The following FOXH1 variants were observed in gnomAD, a reference collection of about 807,000 sequenced individuals.
The protein encoded by FOXH1 is forkhead box protein H1.
Under a neutral mutation model 14.2 loss-of-function variants are expected in FOXH1, and 10 were observed. That is an observed-to-expected ratio of 0.70 (90% CI 0.43 to 1.19). FOXH1 has a LOEUF of 1.19. FOXH1 is among the 50% of genes most tolerant of loss of function. FOXH1 has a pLI of 0.00. For synonymous variants in FOXH1, 273 were observed against 209.5 expected (o/e 1.30, Z -2.62); for missense variants, 643 against 492.1 (o/e 1.31, Z -2.90).
At position 144,475,595 on chromosome 8, in the gene FOXH1, C is replaced by T. The variant is rs1825125914; in HGVS notation, c.162G>A (p.Leu54=). Residue 54 remains leucine (L), a synonymous_variant, in exon 1 of 3, where the codon CTG becomes CTA. Transcript: ENST00000377317. Reference sequence around the variant, plus strand: ...GGGGCCCGCTCACCTGGGCCAGCTTCAGTCTGCGGGAGGGAGCGGCCTGAA... The same window carrying T: ...GGGGCCCGCTCACCTGGGCCAGCTTTAGTCTGCGGGAGGGAGCGGCCTGAA... ...LVIQAAPSRR[L]KLAQIIRQVQ... is the part of the protein sequence containing the mutation. 1.4e-6 allele frequency: 2 copies of T among 1,448,394 alleles called. No individual in the cohort carries two copies. Among genetic ancestry groups the T allele is most frequent in the Non-Finnish European group, 1.8e-6 (2 of 1,097,562 alleles). The allele number at this position is 1,448,394 out of a possible 1,614,324, so 89.7% of individuals were successfully genotyped here.
At chr8:144,475,348 GGC>G in intron 1 of FOXH1, 87 bp from the exon 2 acceptor site, 1 of 1,183,230 alleles carries the variant, frequency 8.5e-7, no homozygotes, top group Non-Finnish European at 1.2e-6. Context: ...CGGGCTCAGG[GGC>G]GCGCGGTGCC....
rs746952882 is a variant in FOXH1, at chr8:144,474,813, C to G, written c.523G>C (p.Gly175Arg). ...GGCCAGGGTGCCCCCTCCCCGGACC[C>G]TCCTAGCAGGGACTTGATGCTGAAG... ...EGFSIKSLLG[G>R]SGEGAPWPGL... The change falls in exon 3 of 3, where the codon GGG (glycine) becomes CGG (arginine). Residue 175 changes from glycine (G) to arginine (R), a missense_variant. Transcript: ENST00000377317. 1 of 1,610,834 alleles carries G rather than the reference C, an allele frequency of 6.2e-7. No individual in the cohort carries two copies. Among genetic ancestry groups the G allele is most frequent in the Non-Finnish European group, 8.5e-7 (1 of 1,179,210 alleles).
rs1825030860 is a variant in FOXH1, at chr8:144,473,518, C to T, written c.*720G>A. 2.2e-6 allele frequency: 3 copies of T among 1,359,338 alleles called. No homozygotes were observed. Among genetic ancestry groups the T allele is most frequent in the African/African-American group, 1.5e-5 (1 of 67,132 alleles). 84.2% of individuals were successfully genotyped at this position (1,359,338 alleles called of 1,614,324 possible). A position where few individuals can be genotyped will look rare whatever the true frequency, so the allele number is the denominator to read the frequency against. ...CCTCTTTGGATCCATTGCCCCTGAG[C>T]TCCCAGAGTCACCCCTCCACCTCCG... On this transcript the variant is annotated 3_prime_UTR_variant, in exon 3 of 3. Coordinates refer to ENST00000377317, the MANE Select transcript of FOXH1 (RefSeq NM_003923.3).
At position 144,475,571 on chromosome 8, in the gene FOXH1, G is replaced by A. The variant is rs1825125072; in HGVS notation, c.174+12C>T. ...CTGGGGAAAGAGAGAGTGGGGGCCG[G>A]GGCCCGCTCACCTGGGCCAGCTTCA... On this transcript the variant is annotated intron_variant, in intron 1 of 2. Coordinates refer to ENST00000377317, the MANE Select transcript of FOXH1 (RefSeq NM_003923.3). The A allele has an allele frequency of 4.8e-6, 7 of 1,448,472 alleles. No homozygotes were observed. In the East Asian group the frequency reaches 1.0e-4, roughly 21 times the overall value. The allele number at this position is 1,448,472 out of a possible 1,614,324, so 89.7% of individuals were successfully genotyped here.
Position 144,474,514 on chromosome 8 carries a change from C to T in FOXH1, c.822G>A (p.Trp274Ter). The change falls in exon 3 of 3, where the codon TGG becomes TGA. Residue 274 changes from tryptophan (W) to a stop codon, truncating the protein, a stop_gained. Coordinates refer to ENST00000377317, the MANE Select transcript of FOXH1 (RefSeq NM_003923.3). LOFTEE classifies it low-confidence loss of function (END_TRUNC). Reference protein sequence around the residue: ...RSSGGHRASLWGQLPTSYLPI... With the variant: ...RSSGGHRASL ...GCAAGTAGGAGGTGGGCAGCTGCCC[C>T]CAGAGGGAGGCCCTGTGTCCCCCGC... 1 of 1,611,290 alleles carries T rather than the reference C, an allele frequency of 6.2e-7. No individual in the cohort carries two copies.
chr8:144,475,489 TG>T, intron 1 of FOXH1, 93 bp downstream of exon 1: 1 of 981,182 alleles, frequency 1.0e-6, no homozygotes, highest in Non-Finnish European at 1.5e-6. Context: ...CATACCTGGG[TG>T]GGCTAGGAAG....
rs200335846 is a variant in FOXH1 at position 144,475,725 on chromosome 8, G to A, written c.32C>T (p.Pro11Leu). The A allele has an allele frequency of 4.2e-6, 6 of 1,420,142 alleles. No individual in the cohort carries two copies. In the South Asian group the frequency reaches 8.3e-5, roughly 20 times the overall value. 88.0% of individuals were successfully genotyped at this position (1,420,142 alleles called of 1,614,324 possible). A position where few individuals can be genotyped will look rare whatever the true frequency, so the allele number is the denominator to read the frequency against. The change falls in exon 1 of 3, where the codon CCC becomes CTC. Residue 11 changes from proline to leucine, a missense_variant. Coordinates refer to ENST00000377317, the MANE Select transcript of FOXH1 (RefSeq NM_003923.3). ...CTGGGAGGGCGACTCTGCCTCTGGG[G>A]GCCCCAGGCGGGAGCCGCTGCAGGG... is the stretch of plus-strand genomic sequence containing the variant. Reference protein sequence around the residue: MGPCSGSRLGPPEAESPSQPP... With the variant: MGPCSGSRLGLPEAESPSQPP...
chr8:144,473,875 T>A lies in FOXH1; in HGVS notation c.*363A>T. On this transcript the variant is annotated 3_prime_UTR_variant, in exon 3 of 3. Transcript: ENST00000377317. The stretch of plus-strand genomic sequence containing the variant: ...AGAGAGGGCAGGACTTCAGGCTGGA[T>A]CCACCACTGGGCTCTCCCTCCCCCA... 5.1e-6 allele frequency: 2 copies of A among 393,822 alleles called. No homozygotes were observed. The highest frequency in any genetic ancestry group is 9.1e-6 in the Non-Finnish European group (2 of 218,658). The allele number at this position is 393,822 out of a possible 1,614,324, so 24.4% of individuals were successfully genotyped here.
At position 144,473,815 on chromosome 8, in the gene FOXH1, C is replaced by A; in HGVS notation, c.*423G>T. On this transcript the variant is annotated 3_prime_UTR_variant, in exon 3 of 3. Transcript: ENST00000377317. ...GCAGTCTTTACTCCCTAACCCGTTT[C>A]CCGAAAAAGGTGCTACCTCCTTTCC... The A allele has an allele frequency of 2.8e-6, 1 of 358,348 alleles. No homozygotes were observed. The highest frequency in any genetic ancestry group is 4.9e-5 in the East Asian group (1 of 20,542). 22.2% of individuals were successfully genotyped at this position (358,348 alleles called of 1,614,324 possible).
rs748298413 is a variant in FOXH1, at chr8:144,474,245, C to G, written c.1091G>C (p.Ser364Thr). ...GCCCCTGTCTTAAGAGCCTCACAGGCTGCACCAGGAGAGCAGCCAGCCTGG... is the reference window on the plus strand; with the variant it reads ...GCCCCTGTCTTAAGAGCCTCACAGGGTGCACCAGGAGAGCAGCCAGCCTGG... ...PGPGWLLSWC[S>T]L Residue 364 changes from serine (S) to threonine (T), a missense_variant, in exon 3 of 3, where the codon AGC becomes ACC. By Grantham distance (58) the Ser-to-Thr change is moderately conservative. Transcript: ENST00000377317. 1.9e-6 allele frequency: 3 copies of G among 1,574,272 alleles called. No homozygotes were observed. Among genetic ancestry groups the G allele is most frequent in the Non-Finnish European group, 2.6e-6 (3 of 1,160,030 alleles).
rs1237569242 is a variant in FOXH1, at chr8:144,475,797, G to C, written c.-41C>G. The C allele has an allele frequency of 1.5e-6, 2 of 1,348,546 alleles. No homozygotes were observed. Among genetic ancestry groups the C allele is most frequent in the Non-Finnish European group, 9.6e-7 (1 of 1,043,518 alleles). 83.5% of individuals were successfully genotyped at this position (1,348,546 alleles called of 1,614,324 possible). On this transcript the variant is annotated 5_prime_UTR_variant, in exon 1 of 3. Transcript: ENST00000377317. ...GCGTGGGCAGGGGCCTGGCCGGGTG[G>C]AGGGTGCAGGGCGGTGGGGCAGTGT...
chr8:144,475,148 C>G lies in FOXH1; in HGVS notation c.279+9G>C, dbSNP rs1259795256. ...TCCGCCCCCGGGCTCCGACCCTGGC[C>G]TGCCCCACCTTGCGGAAGCATCGGT... On this transcript the variant is annotated intron_variant, in intron 2 of 2. Coordinates refer to ENST00000377317, the MANE Select transcript of FOXH1 (RefSeq NM_003923.3). 4.3e-6 allele frequency: 7 copies of G among 1,612,776 alleles called. No individual in the cohort carries two copies. Among genetic ancestry groups the G allele is most frequent in the Non-Finnish European group, 5.9e-6 (7 of 1,179,558 alleles).
chr8:144,474,223 C>T lies in FOXH1; in HGVS notation c.*15G>A. The T allele has an allele frequency of 1.3e-6, 2 of 1,537,044 alleles. No individual in the cohort carries two copies. The highest frequency in any genetic ancestry group is 1.8e-6 in the Non-Finnish European group (2 of 1,141,246). On this transcript the variant is annotated 3_prime_UTR_variant, in exon 3 of 3. Coordinates refer to ENST00000377317, the MANE Select transcript of FOXH1 (RefSeq NM_003923.3). ...GTGGGAGCGGGAGGGAGGAGTGGCC[C>T]CTGTCTTAAGAGCCTCACAGGCTGC...
Position 144,475,676 on chromosome 8 carries a change from C to T in FOXH1, c.81G>A (p.Arg27=), listed in dbSNP as rs1272355873. The part of the protein sequence containing the change: ...PSQPPKRRKK[R]YLRHDKPPYT... Reference sequence around the variant, plus strand: ...AGGGGGGCTTGTCATGTCGCAGGTACCTCTTCTTCCTCCTCTTAGGGGGCT... The same window carrying T: ...AGGGGGGCTTGTCATGTCGCAGGTATCTCTTCTTCCTCCTCTTAGGGGGCT... The change falls in exon 1 of 3, where the codon AGG becomes AGA. Residue 27 remains arginine (R), a synonymous_variant. Coordinates refer to ENST00000377317, the MANE Select transcript of FOXH1 (RefSeq NM_003923.3). 5 of 1,424,952 alleles carry T rather than the reference C, an allele frequency of 3.5e-6. No individual in the cohort carries two copies. The highest frequency in any genetic ancestry group is 5.2e-5 in the East Asian group (2 of 38,428). The allele number at this position is 1,424,952 out of a possible 1,614,324, so 88.3% of individuals were successfully genotyped here. A position where few individuals can be genotyped will look rare whatever the true frequency, so the allele number is the denominator to read the frequency against.
Position 144,474,068 on chromosome 8 carries a change from T to G in FOXH1, c.*170A>C. ...GACCAGGGTGAGGGTTGTGCCCAGC[T>G]GGGCCACGGCCATGCGTGGGGTGGC... is the stretch of plus-strand genomic sequence containing the variant. On this transcript the variant is annotated 3_prime_UTR_variant, in exon 3 of 3. Transcript: ENST00000377317. 2 of 610,694 alleles carry G rather than the reference T, an allele frequency of 3.3e-6. No homozygotes were observed. Among genetic ancestry groups the G allele is most frequent in the Non-Finnish European group, 5.7e-6 (2 of 348,166 alleles). 37.8% of individuals were successfully genotyped at this position (610,694 alleles called of 1,614,324 possible).
chr8:144,473,944 T>G lies in FOXH1; in HGVS notation c.*294A>C. On this transcript the variant is annotated 3_prime_UTR_variant, in exon 3 of 3. Transcript: ENST00000377317. ...GAGGTGACGGCTGGTGACTGATGGA[T>G]GGGTAGTGGGCTGAGAAGAGGGGAC... The G allele has an allele frequency of 2.2e-6, 1 of 448,450 alleles. No homozygotes were observed. Among genetic ancestry groups the G allele is most frequent in the Non-Finnish European group, 4.0e-6 (1 of 252,248 alleles). 27.8% of individuals were successfully genotyped at this position (448,450 alleles called of 1,614,324 possible).
At chr8:144,475,130 C>T in intron 2 of FOXH1, 27 bp downstream of exon 2, 2 of 1,610,588 alleles carry the variant, frequency 1.2e-6, no homozygotes, top group Non-Finnish European at 1.7e-6. Flanking sequence ...CGCTCCGCCC[C>T]CGGGCTCCGA....
In FOXH1 at chr8:144,474,573, G is replaced by A. The variant is rs1825081652; in HGVS notation, c.763C>T (p.Leu255=). ...CCCCCAGGAACTGCGGTGCCCTGCA[G>A]TAAGTGGAGAGGCCAGGCCCTAGGC... ...PEPRAWPLHL[L]QGTAVPGGRS... is the part of the protein sequence containing the mutation. Residue 255 remains leucine, a synonymous_variant, in exon 3 of 3, where the codon CTG becomes TTG. Transcript: ENST00000377317. 1 of 1,610,324 alleles carries A rather than the reference G, an allele frequency of 6.2e-7. No homozygotes were observed. Among genetic ancestry groups the A allele is most frequent in the African/African-American group, 1.3e-5 (1 of 74,880 alleles).
chr8:144,474,909 C>T lies in FOXH1; in HGVS notation c.427G>A (p.Asp143Asn). 1 of 1,609,676 alleles carries T rather than the reference C, an allele frequency of 6.2e-7. No individual in the cohort carries two copies. Among genetic ancestry groups the T allele is most frequent in the South Asian group, 1.1e-5 (1 of 90,930 alleles). The change falls in exon 3 of 3, where the codon GAC becomes AAC. Residue 143 changes from aspartate to asparagine, a missense_variant. Coordinates refer to ENST00000377317, the MANE Select transcript of FOXH1 (RefSeq NM_003923.3). The part of the protein sequence containing the change: ...NGGARGAFAK[D>N]LGPYVLHGRP... ...CCGTGCAGCACGTAGGGGCCCAGGTCCTTGGCGAAGGCTCCACGCGCACCT... is the reference window on the plus strand; with the variant it reads ...CCGTGCAGCACGTAGGGGCCCAGGTTCTTGGCGAAGGCTCCACGCGCACCT...
Sources: allele counts gnomAD v4.1 joint callset, GRCh38; gene constraint gnomAD v4.1.1; transcripts MANE v1.5; gene names NCBI Gene and HGNC (gene_info 2026-07-23, HGNC 2026-07-21).